NDST3: variants seen among roughly 807,000 people sequenced by gnomAD.
NDST3 encodes the protein bifunctional heparan sulfate N-deacetylase/N-sulfotransferase 3.
In NDST3, 58 loss-of-function variants were observed where a neutral mutation model predicts 96.1. That is an observed-to-expected ratio of 0.60 (90% CI 0.49 to 0.75). The LOEUF is 0.75. Among genes scored for constraint, NDST3 ranks in the 30% least tolerant of loss-of-function variants. NDST3 has a pLI of 0.00. For missense variants in NDST3, 788 were observed against 1,034.2 expected (o/e 0.76, Z 3.27); for synonymous variants, 333 against 359.7 (o/e 0.93, Z 0.84).
At chr4:118,068,398 T>C (rs1188406538) in intron 2 of NDST3, among the ~76,000 whole-genome samples, 3 of 152,106 alleles carry the variant, frequency 2.0e-5, no homozygotes, top group African/African-American at 7.2e-5. Context: ...AAAGTCCTAC[T>C]GTATTTTTTT....
At chr4:118,082,622 G>A (rs1728110969) in intron 2 of NDST3, among the ~76,000 whole-genome samples, 1 of 152,152 alleles carries the variant, frequency 6.6e-6, no homozygotes, top group South Asian at 2.1e-4. Flanking sequence ...TACAAAGAAA[G>A]ACACTATCTC....
At chr4:118,042,787 C>T (rs937293409) in intron 1 of NDST3, among the ~76,000 whole-genome samples, 2 of 152,194 alleles carry the variant, frequency 1.3e-5, no homozygotes, top group Non-Finnish European at 2.9e-5. Context: ...ATATCCAAAC[C>T]CAGTGCATCA....
chr4:118,210,249 C>T (rs1176617909), intron 6 of NDST3, among the ~76,000 whole-genome samples: 1 of 152,058 alleles, frequency 6.6e-6, no homozygotes, highest in Non-Finnish European at 1.5e-5. Context: ...CTGAGACCAT[C>T]AGAGAGCTTA....
At chr4:118,120,064 A>G (rs1731431524) in intron 4 of NDST3, among the ~76,000 whole-genome samples, 1 of 152,196 alleles carries the variant, frequency 6.6e-6, no homozygotes, top group Non-Finnish European at 1.5e-5. Context: ...TAGATAAGTT[A>G]TGTATAGAGA....
At chr4:118,142,490 T>C (rs1733642119) in intron 5 of NDST3, among the ~76,000 whole-genome samples, 1 of 152,070 alleles carries the variant, frequency 6.6e-6, no homozygotes. Flanking sequence ...CACTAGTATA[T>C]TTCTACAGGG....
intron 3 of NDST3, among the ~76,000 whole-genome samples, chr4:118,106,074 T>C (rs1730157773): frequency 1.3e-5 from 2 of 152,152 alleles, no homozygotes; most frequent in African/African-American, 4.8e-5. Flanking sequence ...TGATCTTTGT[T>C]CGTATGTTGG....
intron 12 of NDST3, among the ~76,000 whole-genome samples, chr4:118,243,654 T>A (rs925747484): frequency 1.3e-5 from 2 of 152,246 alleles, no homozygotes; most frequent in African/African-American, 2.4e-5. Context: ...AAAGCTTTTA[T>A]TTTCTAAACA....
intron 2 of NDST3, among the ~76,000 whole-genome samples, chr4:118,067,910 T>C (rs1429777240): frequency 1.3e-5 from 2 of 151,690 alleles, no homozygotes; most frequent in African/African-American, 4.8e-5. Flanking sequence ...ATCCTGGAAC[T>C]TAAAATAAGT....
chr4:118,093,159 C>A (rs983279118), intron 2 of NDST3, among the ~76,000 whole-genome samples: 3 of 151,774 alleles, frequency 2.0e-5, no homozygotes, highest in Non-Finnish European at 4.4e-5. Context: ...ATAATTCATT[C>A]AAGAATGGCA....
chr4:118,187,872 C>A (rs1044856922), intron 6 of NDST3, among the ~76,000 whole-genome samples: 5 of 152,130 alleles, frequency 3.3e-5, no homozygotes, highest in Admixed American at 2.0e-4. Flanking sequence ...AGCCAAGACT[C>A]AAGTTCCCAA....
intron 2 of NDST3, among the ~76,000 whole-genome samples, chr4:118,075,791 G>A (rs1034487118): frequency 1.2e-4 from 18 of 152,238 alleles, no homozygotes; most frequent in African/African-American, 4.3e-4. Context: ...TGTAGATTCT[G>A]GATATTAGCC....
chr4:118,175,772 T>C (rs569299915), intron 6 of NDST3, among the ~76,000 whole-genome samples: 1 of 152,278 alleles, frequency 6.6e-6, no homozygotes, highest in South Asian at 2.1e-4. Context: ...AGCCTGGACC[T>C]GTGCTGGAAA....
At chr4:118,043,577 T>C (rs1724588386) in intron 1 of NDST3, among the ~76,000 whole-genome samples, 1 of 152,226 alleles carries the variant, frequency 6.6e-6, no homozygotes, top group African/African-American at 2.4e-5. Context: ...ATTTTCCATA[T>C]TCATCCATCT....
chr4:118,091,670 T>C (rs1560635935), intron 2 of NDST3, among the ~76,000 whole-genome samples: 1 of 151,704 alleles, frequency 6.6e-6, no homozygotes, highest in African/African-American at 2.4e-5. Context: ...TGGAAGAGTA[T>C]TTCTATGAAG....
chr4:118,192,177 G>A (rs772341394), intron 6 of NDST3, among the ~76,000 whole-genome samples: 1 of 151,928 alleles, frequency 6.6e-6, no homozygotes, highest in Non-Finnish European at 1.5e-5. Flanking sequence ...TATACATTCC[G>A]CTTATTAATC....
chr4:118,254,544 C>T (rs9685965), intron 13 of NDST3, among the ~76,000 whole-genome samples: 62,587 of 151,898 alleles, frequency 0.41, 13,348 homozygotes, highest in East Asian at 0.58. Flanking sequence ...TTTCTATACC[C>T]CACATTTTTA....
intron 6 of NDST3, among the ~76,000 whole-genome samples, chr4:118,206,512 G>C (rs961599341): frequency 8.3e-5 from 12 of 144,304 alleles, no homozygotes; most frequent in Non-Finnish European, 1.2e-4. Context: ...GGGTGTATGT[G>C]GTAGAAGATA....
At chr4:118,036,327 T>G (rs1248557021) in intron 1 of NDST3, among the ~76,000 whole-genome samples, 2 of 152,194 alleles carry the variant, frequency 1.3e-5, no homozygotes, top group Non-Finnish European at 1.5e-5. Context: ...TTAAACTATA[T>G]GTAAATACTT....
intron 1 of NDST3, among the ~76,000 whole-genome samples, chr4:118,049,662 C>T (rs182927108): frequency 1.1e-4 from 17 of 151,408 alleles, no homozygotes; most frequent in Admixed American, 1.1e-3. Flanking sequence ...TCTCCCAAAA[C>T]TGAATCATTA....
Sources: gnomAD v4.1 joint callset for allele counts (sites outside exome capture counted in the v4.1 genomes callset) on GRCh38, gnomAD v4.1.1 for gene constraint, MANE v1.5 for transcripts, NCBI Gene and HGNC (gene_info 2026-07-23, HGNC 2026-07-21) for gene names.